Variants in ATXN1 observed in about 807,000 individuals in gnomAD.
ATXN1 encodes ataxin-1.
A neutral mutation model predicts 56.4 loss-of-function variants in ATXN1; 8 were observed. The observed-to-expected ratio is 0.14, with a 90% CI of 0.08 to 0.26. The LOEUF is 0.26. Among genes scored for constraint, ATXN1 ranks in the 10% least tolerant of loss-of-function variants. ATXN1 has a pLI of 1.00. For missense variants in ATXN1, 987 were observed against 1,106.5 expected (o/e 0.89, Z 1.53); for synonymous variants, 514 against 494.6 (o/e 1.04, Z -0.52).
At chr6:16,728,743 A>T (rs967423309) in intron 2 of ATXN1, among the ~76,000 whole-genome samples, 18 of 152,314 alleles carry the variant, frequency 1.2e-4, no homozygotes, top group Middle Eastern at 3.4e-3. Context: ...GGACTTGGCC[A>T]AGGTGGTAAA....
At chr6:16,378,342 T>C (rs923609180) in intron 6 of ATXN1, among the ~76,000 whole-genome samples, 3 of 152,196 alleles carry the variant, frequency 2.0e-5, no homozygotes, top group Admixed American at 2.0e-4. Context: ...ATATACATTA[T>C]ACCCTTAATA....
chr6:16,729,042 A>C (rs892424639), intron 2 of ATXN1, among the ~76,000 whole-genome samples: 3 of 152,244 alleles, frequency 2.0e-5, no homozygotes, highest in Non-Finnish European at 4.4e-5. Flanking sequence ...AACACAGCAG[A>C]CATCTGAGAA....
chr6:16,458,185 T>C (rs1759918203), intron 6 of ATXN1, among the ~76,000 whole-genome samples: 1 of 152,210 alleles, frequency 6.6e-6, no homozygotes, highest in Non-Finnish European at 1.5e-5. Flanking sequence ...AATTCCCTAA[T>C]GGGCAGCAAG....
intron 6 of ATXN1, among the ~76,000 whole-genome samples, chr6:16,457,477 T>C (rs974743163): frequency 4.6e-5 from 7 of 152,002 alleles, no homozygotes; most frequent in African/African-American, 1.2e-4. Context: ...TCCTAAGCCA[T>C]TGGGACCAAT....
At chr6:16,384,101 T>C (rs755467993) in intron 6 of ATXN1, among the ~76,000 whole-genome samples, 3 of 152,198 alleles carry the variant, frequency 2.0e-5, no homozygotes, top group Non-Finnish European at 4.4e-5. Context: ...GCAACATATA[T>C]AGTCATATTT....
At chr6:16,387,130 G>A (rs984923402) in intron 6 of ATXN1, among the ~76,000 whole-genome samples, 3 of 152,218 alleles carry the variant, frequency 2.0e-5, no homozygotes, top group Non-Finnish European at 4.4e-5. Context: ...AAGGGATCAA[G>A]CAAATCTCTG....
intron 6 of ATXN1, among the ~76,000 whole-genome samples, chr6:16,405,429 T>C (rs1238285684): frequency 6.6e-6 from 1 of 152,212 alleles, no homozygotes; most frequent in Non-Finnish European, 1.5e-5. Flanking sequence ...TCATTTGACA[T>C]TGCTTCCCCC....
At chr6:16,720,945 G>A (rs370474912) in intron 2 of ATXN1, among the ~76,000 whole-genome samples, 58 of 152,340 alleles carry the variant, frequency 3.8e-4, no homozygotes, top group African/African-American at 1.2e-3. Flanking sequence ...GGCAAGAAAT[G>A]TCTGTCCTTA....
Position 16,328,316 on chromosome 6 carries a change from G to A in ATXN1, c.-6C>T, listed in dbSNP as rs764575070. On this transcript the variant is annotated 5_prime_UTR_variant, in exon 7 of 8. Transcript: ENST00000436367. This position sits in a 1 kb window ranked among gnomAD's most constrained non-coding sequence, Gnocchi z 6.2. ...CGCTCTTGGTTGGATTTCATTTTTC[G>A]CCGTCCCCCCTCCACGGTGACTGTT... 30 of 1,498,890 alleles carry A rather than the reference G, an allele frequency of 2.0e-5. No individual in the cohort carries two copies. Among genetic ancestry groups the A allele is most frequent in the Non-Finnish European group, 2.3e-5 (26 of 1,129,682 alleles). The allele number at this position is 1,498,890 out of a possible 1,614,324, so 92.8% of individuals were successfully genotyped here.
At chr6:16,570,540 G>A (rs1762313613) in intron 4 of ATXN1, among the ~76,000 whole-genome samples, 1 of 152,116 alleles carries the variant, frequency 6.6e-6, no homozygotes, top group Non-Finnish European at 1.5e-5. Flanking sequence ...AAGATAACTA[G>A]GATCATATCA....
intron 3 of ATXN1, among the ~76,000 whole-genome samples, chr6:16,621,543 G>T (rs1763320657): frequency 6.6e-6 from 1 of 152,050 alleles, no homozygotes; most frequent in East Asian, 1.9e-4. Flanking sequence ...CCAACATGGA[G>T]AATGCCGTCT....
chr6:16,569,808 AT>A (rs1762300100), intron 4 of ATXN1, among the ~76,000 whole-genome samples: 1 of 152,186 alleles, frequency 6.6e-6, no homozygotes, highest in Admixed American at 6.5e-5. Flanking sequence ...TCAAGGGAAC[AT>A]GGAAGGAAGT....
chr6:16,402,490 A>T (rs1052469320), intron 6 of ATXN1, among the ~76,000 whole-genome samples: 2 of 152,076 alleles, frequency 1.3e-5, no homozygotes, highest in Non-Finnish European at 2.9e-5. Flanking sequence ...CCAGTTAACA[A>T]CACGAACACA....
intron 6 of ATXN1, among the ~76,000 whole-genome samples, chr6:16,355,609 C>T (rs952880633): frequency 3.3e-5 from 5 of 151,724 alleles, no homozygotes; most frequent in Admixed American, 6.6e-5. Flanking sequence ...TCGCCCAGGC[C>T]GGTGTGAAGT....
At chr6:16,571,226 T>C (rs1219035836) in intron 4 of ATXN1, among the ~76,000 whole-genome samples, 9 of 152,120 alleles carry the variant, frequency 5.9e-5, no homozygotes, top group Admixed American at 5.2e-4. Flanking sequence ...ACCTGGCTGG[T>C]ATATATGGGT....
At chr6:16,516,167 T>C (rs374924092) in intron 5 of ATXN1, among the ~76,000 whole-genome samples, 1 of 152,370 alleles carries the variant, frequency 6.6e-6, no homozygotes, top group East Asian at 1.9e-4. Flanking sequence ...GTTATTTTTA[T>C]TAATGCTCTT....
intron 6 of ATXN1, among the ~76,000 whole-genome samples, chr6:16,443,319 T>A (rs1759561906): frequency 6.7e-6 from 1 of 150,008 alleles, no homozygotes; most frequent in Middle Eastern, 3.2e-3. Flanking sequence ...CAGACAGGCA[T>A]GAAAGACAGA....
intron 3 of ATXN1, among the ~76,000 whole-genome samples, chr6:16,649,296 G>A (rs1026856207): frequency 2.0e-5 from 3 of 151,704 alleles, no homozygotes; most frequent in African/African-American, 4.8e-5. Context: ...AAAAAAAATA[G>A]TAACAAGTAT....
At chr6:16,616,222 A>C (rs1179516421) in intron 3 of ATXN1, 3 of 152,128 alleles carry the variant, frequency 2.0e-5, no homozygotes, top group African/African-American at 7.2e-5. Flanking sequence ...AATTAGCTGA[A>C]AGACTCTAGA....
Sources: allele counts gnomAD v4.1 joint callset (sites outside exome capture counted in the v4.1 genomes callset), GRCh38; gene constraint gnomAD v4.1.1; non-coding constraint Gnocchi (gnomAD v3.1); transcripts MANE v1.5; gene names NCBI Gene and HGNC (gene_info 2026-07-23, HGNC 2026-07-21).